Variants in NAV3 observed in about 807,000 individuals in gnomAD.
NAV3 encodes neuron navigator 3.
In NAV3, 87 loss-of-function variants were observed where a neutral mutation model predicts 244.7. That is an observed-to-expected ratio of 0.36 (90% CI 0.30 to 0.42). The LOEUF (loss-of-function observed/expected upper bound fraction) is 0.42. Among genes scored for constraint, NAV3 ranks in the 20% least tolerant of loss-of-function variants. The pLI is 1.00. For missense variants in NAV3, 2,663 were observed against 2,893.3 expected (o/e 0.92, Z 1.83); for synonymous variants, 1,126 against 1,042.2 (o/e 1.08, Z -1.55).
chr12:77,680,208 A>T (rs1199222694), intron 2 of NAV3, among the ~76,000 whole-genome samples: 1 of 152,152 alleles, frequency 6.6e-6, no homozygotes, highest in Non-Finnish European at 1.5e-5. Context: ...TTCAGAACAG[A>T]CACTTTTATG....
chr12:77,781,212 C>A (rs1426011912), intron 2 of NAV3, among the ~76,000 whole-genome samples: 1 of 152,086 alleles, frequency 6.6e-6, no homozygotes, highest in Non-Finnish European at 1.5e-5. Context: ...CTTTTCTCAG[C>A]CAAGGGCATT....
intron 2 of NAV3, among the ~76,000 whole-genome samples, chr12:77,767,518 A>G (rs1869837290): frequency 6.6e-6 from 1 of 152,132 alleles, no homozygotes. Flanking sequence ...TGGAGTGGCA[A>G]GGGATGTGTG....
At position 78,210,699 on chromosome 12, in the gene NAV3, G is replaced by A; in HGVS notation, c.*182G>A. On this transcript the variant is annotated 3_prime_UTR_variant, in exon 40 of 40. Coordinates refer to ENST00000397909, the MANE Select transcript of NAV3 (RefSeq NM_001024383.2). ...GCCAAGATGCTAAATTGCAATGGAA[G>A]CTTAACTTTAGTTTATTTCTAAGCA... The A allele has an allele frequency of 1.5e-6, 1 of 650,736 alleles. No homozygotes were observed. Among genetic ancestry groups the A allele is most frequent in the Non-Finnish European group, 2.6e-6 (1 of 382,340 alleles). The allele number at this position is 650,736 out of a possible 1,614,324, so 40.3% of individuals were successfully genotyped here.
At chr12:78,141,152 CA>C (rs1956594782) in intron 20 of NAV3, among the ~76,000 whole-genome samples, 1 of 152,082 alleles carries the variant, frequency 6.6e-6, no homozygotes, top group Non-Finnish European at 1.5e-5. Context: ...TTAGCCTCCC[CA>C]AGTGCTGGGA....
chr12:78,010,423 T>A (rs1875065896), intron 8 of NAV3, among the ~76,000 whole-genome samples: 1 of 152,168 alleles, frequency 6.6e-6, no homozygotes, highest in South Asian at 2.1e-4. Context: ...TTAGTGAAAA[T>A]CTTTGTGTCA....
intron 11 of NAV3, among the ~76,000 whole-genome samples, 183 bp downstream of exon 11, chr12:78,051,330 G>T (rs975621042): frequency 6.6e-6 from 1 of 152,170 alleles, no homozygotes; most frequent in African/African-American, 2.4e-5. Context: ...AAGAATCCAA[G>T]ATTTCTATAA....
chr12:77,984,906 T>C lies in NAV3; in HGVS notation c.672-9897T>C, dbSNP rs1870213718. Among the ~76,000 whole-genome samples, 4 of 152,158 alleles carry C rather than the reference T, an allele frequency of 2.6e-5. No homozygotes were observed. In the South Asian group the frequency reaches 8.3e-4, roughly 32 times the overall value. On this transcript the variant is annotated intron_variant, in intron 5 of 39. Transcript: ENST00000397909. ...ATCTCAGCTCACTGCAACTCCCACC[T>C]CCTGGGTTCAAGCGATTCTCCTGCC...
At chr12:78,117,029 G>A in intron 13 of NAV3, 125 bp downstream of exon 13, 1 of 1,134,624 alleles carries the variant, frequency 8.8e-7, no homozygotes, top group Non-Finnish European at 1.2e-6. Flanking sequence ...GGAAAATGCA[G>A]AGATAATAAG....
intron 9 of NAV3, among the ~76,000 whole-genome samples, chr12:78,023,010 G>A (rs989551651): frequency 3.3e-5 from 5 of 152,152 alleles, no homozygotes; most frequent in Non-Finnish European, 7.4e-5. Context: ...CATGGGGGAT[G>A]TGTTGACTTT....
In NAV3 at chr12:78,200,600, C is replaced by T. The variant is rs758861805; in HGVS notation, c.6834+9C>T. Reference sequence around the variant, plus strand: ...TGAGAGAGGGTCTTCAGGTATAGTACTCAATTTTCATTGCTATTTTTTTTT... The same window carrying T: ...TGAGAGAGGGTCTTCAGGTATAGTATTCAATTTTCATTGCTATTTTTTTTT... On this transcript the variant is annotated intron_variant, in intron 38 of 39. Transcript: ENST00000397909. The T allele has an allele frequency of 1.5e-6, 2 of 1,365,106 alleles. No homozygotes were observed. Among genetic ancestry groups the T allele is most frequent in the Admixed American group, 2.3e-5 (1 of 42,624 alleles). The allele number at this position is 1,365,106 out of a possible 1,614,324, so 84.6% of individuals were successfully genotyped here. A position where few individuals can be genotyped will look rare whatever the true frequency, so the allele number is the denominator to read the frequency against.
Position 78,137,377 on chromosome 12 carries a change from G to A in NAV3, c.4630+12G>A. 3.1e-6 allele frequency: 5 copies of A among 1,592,622 alleles called. No homozygotes were observed. Among genetic ancestry groups the A allele is most frequent in the East Asian group, 2.3e-5 (1 of 44,284 alleles). Reference sequence around the variant, plus strand: ...CAGCATGGAAGAAGGTAAGCGTTGAGGGGGATTAAAGATGAAGTCACTTTA... The same window carrying A: ...CAGCATGGAAGAAGGTAAGCGTTGAAGGGGATTAAAGATGAAGTCACTTTA... On this transcript the variant is annotated intron_variant, in intron 19 of 39. Transcript: ENST00000397909.
At chr12:78,178,963 C>G (rs445975) in intron 28 of NAV3, among the ~76,000 whole-genome samples, 57,398 of 151,932 alleles carry the variant, frequency 0.38, 11,996 homozygotes, top group Non-Finnish European at 0.48. Context: ...TCAGCTGAGC[C>G]CAGTAGGGAG....
chr12:77,769,906 A>G (rs1442850247), intron 2 of NAV3, among the ~76,000 whole-genome samples: 5 of 152,214 alleles, frequency 3.3e-5, no homozygotes, highest in Non-Finnish European at 7.3e-5. Flanking sequence ...GTTTAGTGAA[A>G]TGAATGTTTG....
chr12:77,937,239 A>G (rs1381454090), intron 1 of NAV3, among the ~76,000 whole-genome samples: 1 of 152,238 alleles, frequency 6.6e-6, no homozygotes, highest in Non-Finnish European at 1.5e-5. Context: ...TTCAGATATT[A>G]GAGATGCTGG....
chr12:78,191,847 C>G (rs562130110), intron 34 of NAV3, among the ~76,000 whole-genome samples: 9 of 152,082 alleles, frequency 5.9e-5, no homozygotes, highest in South Asian at 4.1e-4. Context: ...TTGTTTTTTC[C>G]TCAATGTTGG....
chr12:78,197,253 C>T lies in NAV3; in HGVS notation c.6298C>T (p.Gln2100Ter). The T allele has an allele frequency of 6.5e-7, 1 of 1,538,688 alleles. No homozygotes were observed. Among genetic ancestry groups the T allele is most frequent in the Non-Finnish European group, 8.8e-7 (1 of 1,141,788 alleles). Residue 2100 changes from glutamine (Q) to a stop codon, truncating the protein, a stop_gained, in exon 35 of 40, where the codon CAA becomes TAA. Coordinates refer to ENST00000397909, the MANE Select transcript of NAV3 (RefSeq NM_001024383.2). LOFTEE classifies it high-confidence loss of function. Reference protein sequence around the residue: ...NVDHKSSKELQQYLANLAEQC... With the variant: ...NVDHKSSKEL The stretch of plus-strand genomic sequence containing the variant: ...TTTCTTCATTTTTTAAAAGGAATTG[C>T]AACAATATCTAGCTAACCTGGCTGA...
intron 1 of NAV3, 63 bp downstream of exon 1, chr12:77,831,767 C>G (rs1256743538): frequency 6.7e-7 from 1 of 1,498,244 alleles, no homozygotes; most frequent in African/African-American, 1.4e-5. Context: ...TTTAAGTGCA[C>G]TATAAAACAT....
At chr12:77,713,620 G>A (rs1274441566) in intron 2 of NAV3, among the ~76,000 whole-genome samples, 2 of 152,142 alleles carry the variant, frequency 1.3e-5, no homozygotes, top group Admixed American at 1.3e-4. Context: ...ATGTTTTCAA[G>A]CTTCCTTTTA....
At chr12:77,654,707 C>G (rs1021361661) in intron 2 of NAV3, among the ~76,000 whole-genome samples, 3 of 152,274 alleles carry the variant, frequency 2.0e-5, no homozygotes, top group East Asian at 1.9e-4. Flanking sequence ...AGGAACCCCC[C>G]AGTAGGGGCA....
Sources: gnomAD v4.1 joint callset for allele counts (sites outside exome capture counted in the v4.1 genomes callset) on GRCh38, gnomAD v4.1.1 for gene constraint, MANE v1.5 for transcripts, NCBI Gene and HGNC (gene_info 2026-07-23, HGNC 2026-07-21) for gene names.